The following ABHD4 variants were observed in gnomAD, a reference collection of about 807,000 sequenced individuals.
ABHD4 encodes the protein (Lyso)-N-acylphosphatidylethanolamine lipase.
ABHD4 carries 35 observed loss-of-function variants against 42.3 expected under a neutral mutation model. The ratio of observed to expected loss-of-function variants is 0.83; its 90% CI spans 0.63 to 1.10. The LOEUF is 1.10. Ranked by LOEUF, ABHD4 falls within the 50% of genes least tolerant of loss-of-function variation. The probability of loss-of-function intolerance (pLI) is 0.00; values close to 1 mark genes in which losing one functional copy is unlikely to be tolerated. For missense variants in ABHD4, 389 were observed against 454.8 expected, an observed-to-expected ratio of 0.86 and a Z score of 1.32; for synonymous variants, 169 against 170.6, an observed-to-expected ratio of 0.99 and a Z score of 0.07.
chr14:22,608,377 C>G (rs1213288238), intron 5 of ABHD4, among the ~76,000 whole-genome samples: 1 of 152,160 alleles, frequency 6.6e-6, no homozygotes, highest in Non-Finnish European at 1.5e-5. Context: ...TGGCTCTGCC[C>G]CAGCCTTGTG....
rs577861979 is a variant in ABHD4 at position 22,610,979 on chromosome 14, C to G, written c.*31C>G. 5.2e-4 allele frequency: 832 copies of G among 1,591,526 alleles called. 9 individuals are homozygous for G. In the South Asian group the frequency reaches 8.7e-3, roughly 17 times the overall value. ...TCTCTGAAGAGGAAGAGGAGAAAGC[C>G]AGAGAGTCACTCTTACCTCCCTGTC... On this transcript the variant is annotated 3_prime_UTR_variant, in exon 7 of 7. Transcript: ENST00000428304.
Position 22,606,486 on chromosome 14 carries a change from T to C in ABHD4, c.705T>C (p.Asp235=). The change falls in exon 5 of 7, where the codon GAT becomes GAC. Residue 235 remains aspartate (D), a synonymous_variant. Coordinates refer to ENST00000428304, the MANE Select transcript of ABHD4 (RefSeq NM_022060.3). ...FKRKFADFFE[D]DTISEYIYHC... Reference sequence around the variant, plus strand: ...GCAAGTTTGCAGACTTCTTTGAAGATGATACCATATCAGAGTATATTTACC... The same window carrying C: ...GCAAGTTTGCAGACTTCTTTGAAGACGATACCATATCAGAGTATATTTACC... 6.2e-7 allele frequency: 1 copy of C among 1,613,684 alleles called. No homozygotes were observed. The highest frequency in any genetic ancestry group is 1.1e-5 in the South Asian group (1 of 90,874).
chr14:22,598,466 G>T (rs933200882), intron 1 of ABHD4, 137 bp downstream of exon 1: 6 of 1,537,864 alleles, frequency 3.9e-6, no homozygotes, highest in Non-Finnish European at 5.2e-6. Flanking sequence ...GAGGGCGGGG[G>T]GTGGGTGCGT....
chr14:22,605,879 T>A, intron 4 of ABHD4: 1 of 1,262,384 alleles, frequency 7.9e-7, no homozygotes, highest in Non-Finnish European at 1.0e-6. Context: ...ATGTATACCA[T>A]AATGAGGTGA....
chr14:22,601,812 GA>G, intron 2 of ABHD4, 57 bp downstream of exon 2: 4 of 1,488,360 alleles, frequency 2.7e-6, no homozygotes, highest in Non-Finnish European at 3.7e-6. Context: ...AAGGATTCAG[GA>G]TCTTCCCAGA....
intron 4 of ABHD4, chr14:22,605,758 C>G (rs372184107): frequency 8.0e-7 from 1 of 1,255,940 alleles, no homozygotes; most frequent in Non-Finnish European, 1.0e-6. Context: ...CCAGCCCCTT[C>G]TTACCTCCCT....
chr14:22,601,395 TAAATGTG>T (rs1348662300), intron 1 of ABHD4, among the ~76,000 whole-genome samples: 1 of 152,188 alleles, frequency 6.6e-6, no homozygotes, highest in Non-Finnish European at 1.5e-5. Context: ...GCTGAGATAA[TAAATGTG>T]ACAGAGCTTT....
Position 22,602,952 on chromosome 14 carries a change from A to AGGAGATATCAAAGATAAAG in ABHD4, c.113-414_113-396dup, listed in dbSNP as rs541335571. Among the ~76,000 whole-genome samples the AGGAGATATCAAAGATAAAG allele has an allele frequency of 2.4e-4, 36 of 152,318 alleles. No homozygotes were observed. In the East Asian group the frequency reaches 6.2e-3, roughly 26 times the overall value. On this transcript the variant is annotated intron_variant, in intron 2 of 6. Transcript: ENST00000428304. ...GGGGTCAGTGGATAGAAAATTGCTG[A>AGGAGATATCAAAGATAAAG]GGAGATATCAAAGATAAAGGGAGAT...
At chr14:22,605,728 A>T in intron 4 of ABHD4, 2 of 947,574 alleles carry the variant, frequency 2.1e-6, no homozygotes, top group Non-Finnish European at 3.0e-6. Flanking sequence ...GCCCATGCAG[A>T]TCCTCATGGC....
In ABHD4 at chr14:22,611,260, C is replaced by T; in HGVS notation, c.*312C>T. 3.1e-6 allele frequency: 1 copy of T among 318,676 alleles called. No homozygotes were observed. Among genetic ancestry groups the T allele is most frequent in the South Asian group, 4.5e-5 (1 of 22,342 alleles). 19.7% of individuals were successfully genotyped at this position (318,676 alleles called of 1,614,324 possible). ...GATGTGAAGGGATTGCACCAAGCCACATTCACTCTCTCTGTGGCCTTTCTT... is the reference window on the plus strand; with the variant it reads ...GATGTGAAGGGATTGCACCAAGCCATATTCACTCTCTCTGTGGCCTTTCTT... On this transcript the variant is annotated 3_prime_UTR_variant, in exon 7 of 7. Coordinates refer to ENST00000428304, the MANE Select transcript of ABHD4 (RefSeq NM_022060.3).
chr14:22,609,745 C>T lies in ABHD4; in HGVS notation c.774C>T (p.Ala258=). 1.2e-6 allele frequency: 2 copies of T among 1,613,928 alleles called. No homozygotes were observed. Among genetic ancestry groups the T allele is most frequent in the South Asian group, 1.1e-5 (1 of 91,062 alleles). ...QNPSGETAFK[A]MMESFGWARR... ...ACAGTGGTGAGACAGCATTCAAAGC[C>T]ATGATGGAGTCCTTTGGCTGGGCCC... is the stretch of plus-strand genomic sequence containing the variant. The change falls in exon 6 of 7, where the codon GCC becomes GCT. Residue 258 remains alanine (A), a synonymous_variant. Transcript: ENST00000428304.
chr14:22,609,432 C>T (rs1442821950), intron 5 of ABHD4, among the ~76,000 whole-genome samples: 1 of 152,190 alleles, frequency 6.6e-6, no homozygotes, highest in African/African-American at 2.4e-5. Context: ...GTCCCCTTTC[C>T]CAGTCCAGGG....
At position 22,605,905 on chromosome 14, in the gene ABHD4, G is replaced by A. The variant is rs1402071963; in HGVS notation, c.641-517G>A. 3.6e-6 allele frequency: 4 copies of A among 1,096,890 alleles called. No individual in the cohort carries two copies. The African/African-American group carries it at 6.4e-5, about 18-fold the overall frequency. The allele number at this position is 1,096,890 out of a possible 1,614,324, so 67.9% of individuals were successfully genotyped here. ...AATGAGGTGAAACGAACAGATTGTT[G>A]TAAAACAGTGCCCTGAGTCTGAGAC... On this transcript the variant is annotated intron_variant, in intron 4 of 6. Coordinates refer to ENST00000428304, the MANE Select transcript of ABHD4 (RefSeq NM_022060.3).
At position 22,603,402 on chromosome 14, in the gene ABHD4, A is replaced by T; in HGVS notation, c.125A>T (p.Lys42Met). The change falls in exon 3 of 7, where the codon AAG becomes ATG. Residue 42 changes from lysine (K) to methionine (M), a missense_variant. Around this residue, in one of 3 missense-constraint regions of ABHD4, gnomAD observed 102 missense variants for 128.3 expected, o/e 0.80. Coordinates refer to ENST00000428304, the MANE Select transcript of ABHD4 (RefSeq NM_022060.3). ...CTTTCCTCCCCAGGTCTCCAGAATA[A>T]GTTCCTGGCCAGATATGTATCCCTC... ...EARILQCLQN[K>M]FLARYVSLPN... 1 of 1,614,158 alleles carries T rather than the reference A, an allele frequency of 6.2e-7. No homozygotes were observed. The highest frequency in any genetic ancestry group is 8.5e-7 in the Non-Finnish European group (1 of 1,180,020).
rs1386252653 is a variant in ABHD4, at chr14:22,601,752, C to CA, written c.110dup (p.Cys38ValfsTer5). 1 of 1,614,072 alleles carries CA rather than the reference C, an allele frequency of 6.2e-7. No homozygotes were observed. The highest frequency in any genetic ancestry group is 8.5e-7 in the Non-Finnish European group (1 of 1,179,950). ...GAAGAATGTGGAAGCCAGGATCCTC[C>CA]AGTGTAAGTAGAATGGACAGCTTGT... is the stretch of plus-strand genomic sequence containing the variant. On this transcript the variant is annotated frameshift_variant, in exon 2 of 7. Coordinates refer to ENST00000428304, the MANE Select transcript of ABHD4 (RefSeq NM_022060.3). LOFTEE classifies it high-confidence loss of function.
intron 6 of ABHD4, among the ~76,000 whole-genome samples, chr14:22,610,218 C>T (rs2037396780): frequency 1.3e-5 from 2 of 152,082 alleles, no homozygotes; most frequent in African/African-American, 4.8e-5. Context: ...CCACCACGCC[C>T]AGCTAATTTT....
At position 22,611,057 on chromosome 14, in the gene ABHD4, G is replaced by T; in HGVS notation, c.*109G>T. 2 of 939,074 alleles carry T rather than the reference G, an allele frequency of 2.1e-6. No homozygotes were observed. Among genetic ancestry groups the T allele is most frequent in the Non-Finnish European group, 3.3e-6 (2 of 597,684 alleles). 58.2% of individuals were successfully genotyped at this position (939,074 alleles called of 1,614,324 possible). On this transcript the variant is annotated 3_prime_UTR_variant, in exon 7 of 7. Coordinates refer to ENST00000428304, the MANE Select transcript of ABHD4 (RefSeq NM_022060.3). ...TCACCAACTAACATGTGCCAGCCAG[G>T]CAGAGTCTTGTGCTGTTCCCAGAAC... is the stretch of plus-strand genomic sequence containing the variant.
At position 22,611,917 on chromosome 14, in the gene ABHD4, T is replaced by G. The variant is rs557172389; in HGVS notation, c.*969T>G. On this transcript the variant is annotated 3_prime_UTR_variant, in exon 7 of 7. Coordinates refer to ENST00000428304, the MANE Select transcript of ABHD4 (RefSeq NM_022060.3). Reference sequence around the variant, plus strand: ...AAGGTGGCTCCTGGTGAAGAGAGGGTGGAAAGGCCCTTCAGCCCCAGGGCC... The same window carrying G: ...AAGGTGGCTCCTGGTGAAGAGAGGGGGGAAAGGCCCTTCAGCCCCAGGGCC... 3.9e-5 allele frequency: 6 copies of G among 152,646 alleles called. No individual in the cohort carries two copies. Among genetic ancestry groups the G allele is most frequent in the Non-Finnish European group, 7.3e-5 (5 of 68,194 alleles). 9.5% of individuals were successfully genotyped at this position (152,646 alleles called of 1,614,324 possible).
At position 22,598,466 on chromosome 14, in the gene ABHD4, G is replaced by C. The variant is rs933200882; in HGVS notation, c.23+137G>C. The C allele has an allele frequency of 8.5e-6, 13 of 1,537,746 alleles. No individual in the cohort carries two copies. The African/African-American group carries it at 9.6e-5, about 11-fold the overall frequency. ...AGGTCGGCCTCCGGGGAGGGCGGGG[G>C]GTGGGTGCGTTGCTTGCTTTGCATT... On this transcript the variant is annotated intron_variant, in intron 1 of 6. Coordinates refer to ENST00000428304, the MANE Select transcript of ABHD4 (RefSeq NM_022060.3).
Sources: allele counts gnomAD v4.1 joint callset (sites outside exome capture counted in the v4.1 genomes callset), GRCh38; gene constraint gnomAD v4.1.1; regional missense constraint gnomAD v4.1.1; transcripts MANE v1.5; gene names NCBI Gene and HGNC (gene_info 2026-07-23, HGNC 2026-07-21).